Variants in CPS1 observed in about 807,000 individuals in gnomAD.
CPS1 encodes the protein carbamoyl-phosphate synthase 1, also known as carbamoyl-phosphate synthase [ammonia], mitochondrial.
A neutral mutation model predicts 174.6 loss-of-function variants in CPS1; 109 were observed. The ratio of observed to expected loss-of-function variants is 0.62; its 90% CI spans 0.53 to 0.73. The LOEUF (loss-of-function observed/expected upper bound fraction) is 0.73, where lower values mean the gene tolerates loss of function less well. Among genes scored for constraint, CPS1 ranks in the 30% least tolerant of loss-of-function variants. CPS1 has a pLI of 0.00. For synonymous variants in CPS1, 637 were observed against 632.0 expected (o/e 1.01, Z -0.12); for missense variants, 1,689 against 1,821.9 (o/e 0.93, Z 1.33).
intron 34 of CPS1, among the ~76,000 whole-genome samples, chr2:210,671,125 CT>C (rs1412151638): frequency 6.6e-6 from 1 of 152,138 alleles, no homozygotes; most frequent in African/African-American, 2.4e-5. Context: ...CTGGAAGACC[CT>C]TTAACATTAA....
At chr2:210,676,916 T>G in intron 36 of CPS1, 91 bp from the exon 37 acceptor site, 1 of 1,292,822 alleles carries the variant, frequency 7.7e-7, no homozygotes, top group Non-Finnish European at 1.1e-6. Context: ...GGCATTGACT[T>G]GAATGGCTAA....
intron 28 of CPS1, 52 bp from the exon 29 acceptor site, chr2:210,653,973 A>G (rs1574645859): frequency 6.5e-6 from 9 of 1,384,022 alleles, no homozygotes; most frequent in East Asian, 2.3e-5. Context: ...TATTGACACT[A>G]TATACATAGC....
chr2:210,562,057 A>G (rs763855522), intron 1 of CPS1, among the ~76,000 whole-genome samples: 1 of 152,202 alleles, frequency 6.6e-6, no homozygotes, highest in Non-Finnish European at 1.5e-5. Context: ...CAGGATTCTG[A>G]ACAACTTGCC....
intron 33 of CPS1, among the ~76,000 whole-genome samples, chr2:210,665,714 C>G (rs1002895484): frequency 1.3e-5 from 2 of 150,964 alleles, no homozygotes; most frequent in Non-Finnish European, 3.0e-5. Flanking sequence ...TTTTCTTAAT[C>G]CAGTCTATCA....
chr2:210,574,656 G>T (rs76635408), intron 2 of CPS1, among the ~76,000 whole-genome samples: 2,968 of 152,114 alleles, frequency 0.02, 88 homozygotes, highest in African/African-American at 0.068. Context: ...GAGGGCACTA[G>T]AGTTTTCTTC....
chr2:210,500,250 G>A (rs572485775), intron 1 of CPS1, among the ~76,000 whole-genome samples: 1 of 152,216 alleles, frequency 6.6e-6, no homozygotes, highest in Admixed American at 6.5e-5. Context: ...TGGGGACACA[G>A]CCATGTGATA....
At chr2:210,664,103 A>G (rs1448079099) in intron 33 of CPS1, among the ~76,000 whole-genome samples, 1 of 152,016 alleles carries the variant, frequency 6.6e-6, no homozygotes, top group Non-Finnish European at 1.5e-5. Context: ...TTGTATTTGG[A>G]CTCTTAGAAA....
At chr2:210,627,264 A>G (rs948911372) in intron 21 of CPS1, among the ~76,000 whole-genome samples, 9 of 152,210 alleles carry the variant, frequency 5.9e-5, no homozygotes, top group Non-Finnish European at 1.0e-4. Context: ...TTTCAAGGGT[A>G]CAAAGACCCA....
At chr2:210,602,379 G>C (rs201447836) in intron 16 of CPS1, 49 bp downstream of exon 16, 68 of 1,607,300 alleles carry the variant, frequency 4.2e-5, no homozygotes, top group Non-Finnish European at 1.9e-5. Flanking sequence ...AAACTGGCTT[G>C]ATAGACCTTT....
intron 1 of CPS1, among the ~76,000 whole-genome samples, chr2:210,497,889 C>CATATATATATATATATATATAT (rs1401841718): frequency 8.4e-4 from 53 of 63,066 alleles, no homozygotes; most frequent in Non-Finnish European, 1.0e-3. Flanking sequence ...ACAATATATA[C>CATATATATATATATATATATAT]ATACATATAT....
intron 1 of CPS1, among the ~76,000 whole-genome samples, chr2:210,485,240 A>T (rs965955934): frequency 1.2e-3 from 137 of 116,314 alleles, no homozygotes; most frequent in African/African-American, 3.0e-3. Flanking sequence ...TCAAAAAAAA[A>T]AAAAATAAAA....
intron 1 of CPS1, among the ~76,000 whole-genome samples, chr2:210,533,391 C>A (rs1696165475): frequency 6.6e-6 from 1 of 152,170 alleles, no homozygotes; most frequent in South Asian, 2.1e-4. Context: ...AGAAATCACC[C>A]ATTTAATCTT....
At chr2:210,492,351 G>A (rs1488618127) in intron 1 of CPS1, among the ~76,000 whole-genome samples, 1 of 152,150 alleles carries the variant, frequency 6.6e-6, no homozygotes, top group Admixed American at 6.5e-5. Flanking sequence ...TCAGAAATAG[G>A]ACAGCTACTG....
At chr2:210,482,343 G>T (rs925081266) in intron 1 of CPS1, among the ~76,000 whole-genome samples, 5 of 148,362 alleles carry the variant, frequency 3.4e-5, no homozygotes, top group Non-Finnish European at 7.4e-5. Context: ...GTCTCGCTCT[G>T]TCTCCCAGGC....
chr2:210,619,323 C>T (rs1699426209), intron 21 of CPS1: 1 of 152,032 alleles, frequency 6.6e-6, no homozygotes, highest in Non-Finnish European at 1.5e-5. Context: ...CATGTTCTTT[C>T]TCTTAATCTC....
chr2:210,608,685 G>A (rs1429340926), intron 19 of CPS1, 126 bp downstream of exon 19: 3 of 896,678 alleles, frequency 3.3e-6, no homozygotes, highest in Non-Finnish European at 5.4e-6. Context: ...AGGTGCAATT[G>A]ACAGTGTTAA....
intron 1 of CPS1, among the ~76,000 whole-genome samples, chr2:210,539,970 T>C (rs2106011616): frequency 6.6e-6 from 1 of 152,296 alleles, no homozygotes; most frequent in African/African-American, 2.4e-5. Context: ...ATTGCTCCTT[T>C]ACTGCCTTAA....
At chr2:210,487,770 G>A (rs917797549) in intron 1 of CPS1, among the ~76,000 whole-genome samples, 13 of 151,558 alleles carry the variant, frequency 8.6e-5, no homozygotes, top group African/African-American at 2.4e-4. Flanking sequence ...TCAAGTGTTC[G>A]GATAGTAAAT....
rs1417841961 is a variant in CPS1, at chr2:210,600,595, T to C, written c.1590T>C (p.Gly530=). The C allele has an allele frequency of 1.2e-6, 2 of 1,612,274 alleles. No individual in the cohort carries two copies. Among genetic ancestry groups the C allele is most frequent in the Admixed American group, 1.7e-5 (1 of 59,844 alleles). Reference sequence around the variant, plus strand: ...AGAGAGGTGTGCTCAAGGAATATGGTGTGAAAGTCCTGGGAACTTCAGTTG... The same window carrying C: ...AGAGAGGTGTGCTCAAGGAATATGGCGTGAAAGTCCTGGGAACTTCAGTTG... The part of the protein sequence containing the change: ...LFKRGVLKEY[G]VKVLGTSVES... The change falls in exon 15 of 38, where the codon GGT becomes GGC. Residue 530 remains glycine (G), a synonymous_variant. Transcript: ENST00000233072.
Sources: allele counts gnomAD v4.1 joint callset (sites outside exome capture counted in the v4.1 genomes callset), GRCh38; gene constraint gnomAD v4.1.1; transcripts MANE v1.5; gene names NCBI Gene and HGNC (gene_info 2026-07-23, HGNC 2026-07-21).